The following KLRD1 variants were observed in gnomAD, a reference collection of about 807,000 sequenced individuals.
The protein encoded by KLRD1 is killer cell lectin like receptor D1, also known as natural killer cells antigen CD94.
Under a neutral mutation model 22.6 loss-of-function variants are expected in KLRD1, and 21 were observed. That is an observed-to-expected ratio of 0.93 (90% CI 0.66 to 1.34). The LOEUF (loss-of-function observed/expected upper bound fraction) is 1.34, where lower values mean the gene tolerates loss of function less well. Among genes scored for constraint, KLRD1 ranks in the 40% most tolerant of loss-of-function variants. KLRD1 has a pLI of 0.00. For synonymous variants in KLRD1, 59 were observed against 71.1 expected (o/e 0.83, Z 0.85); for missense variants, 183 against 208.6 (o/e 0.88, Z 0.76).
Position 10,314,907 on chromosome 12 carries a change from T to A in KLRD1, c.*114T>A. On this transcript the variant is annotated 3_prime_UTR_variant, in exon 6 of 6. Transcript: ENST00000336164. ...ACTTCTGGAGTCTATAAAATGTTTT[T>A]AAACAGTGTCATATACAATTGTCAT... 1.0e-6 allele frequency: 1 copy of A among 1,000,802 alleles called. No individual in the cohort carries two copies. Among genetic ancestry groups the A allele is most frequent in the Non-Finnish European group, 1.5e-6 (1 of 688,218 alleles). The allele number at this position is 1,000,802 out of a possible 1,614,324, so 62.0% of individuals were successfully genotyped here. A position where few individuals can be genotyped will look rare whatever the true frequency, so the allele number is the denominator to read the frequency against.
intron 1 of KLRD1, among the ~76,000 whole-genome samples, chr12:10,246,928 CTTTTCTTTT>C (rs1228937348): frequency 6.2e-5 from 8 of 129,688 alleles, no homozygotes; most frequent in Admixed American, 3.1e-4. Flanking sequence ...CTTTTCTTTT[CTTTTCTTTT>C]TTTTTTTTTT....
chr12:10,265,126 T>C (rs1356820477), intron 1 of KLRD1, among the ~76,000 whole-genome samples: 1 of 152,162 alleles, frequency 6.6e-6, no homozygotes, highest in East Asian at 1.9e-4. Context: ...CTGTTATTTT[T>C]AGCACCATAA....
At position 10,321,116 on chromosome 12, in the gene KLRD1, C is replaced by T. The variant is rs1950308287; in HGVS notation, c.*6323C>T. ...TTTATAAGCAGAAATAGGACTGAGT[C>T]CTAATCAAATGAGTCCCGACATTTG... On this transcript the variant is annotated 3_prime_UTR_variant, in exon 6 of 6. Transcript: ENST00000336164. 1 of 152,136 alleles carries T rather than the reference C, an allele frequency of 6.6e-6. No individual in the cohort carries two copies. The highest frequency in any genetic ancestry group is 1.5e-5 in the Non-Finnish European group (1 of 68,018). The allele number at this position is 152,136 out of a possible 1,614,324, so 9.4% of individuals were successfully genotyped here.
At chr12:10,263,525 C>T (rs754817406) in intron 1 of KLRD1, among the ~76,000 whole-genome samples, 3 of 151,952 alleles carry the variant, frequency 2.0e-5, no homozygotes, top group South Asian at 2.1e-4. Flanking sequence ...CTTAATGGTC[C>T]GTGGTCACGT....
intron 1 of KLRD1, among the ~76,000 whole-genome samples, chr12:10,256,942 C>T (rs1949401752): frequency 6.6e-6 from 1 of 151,636 alleles, no homozygotes; most frequent in Non-Finnish European, 1.5e-5. Flanking sequence ...TTAATTTCAC[C>T]CTCATTTTTT....
chr12:10,299,845 C>T (rs1022427479), upstream of KLRD1, among the ~76,000 whole-genome samples: 4 of 152,206 alleles, frequency 2.6e-5, no homozygotes, highest in Non-Finnish European at 5.9e-5. Context: ...AAAGCCTTGC[C>T]GTTGCTTTAT....
rs752610449 is a variant in KLRD1 at position 10,290,423 on chromosome 12, T to A, written c.-100-17555T>A. Among the ~76,000 whole-genome samples, 112 of 152,172 alleles carry A rather than the reference T, an allele frequency of 7.4e-4. 1 individual carries two copies. Among genetic ancestry groups the A allele is most frequent in the Admixed American group, 4.4e-3 (68 of 15,284 alleles). ...TTAGGATCTTTAACTCTAGGAATAA[T>A]CAGAGGTAGAAGGAATTTAGAATAA... On this transcript the variant is annotated intron_variant, in intron 1 of 5. Transcript: ENST00000544747.
At chr12:10,298,909 G>C (rs7137026) in intron 1 of KLRD1, among the ~76,000 whole-genome samples, 151,543 of 152,352 alleles carry the variant, frequency 0.99, 75,376 homozygotes, top group Middle Eastern at 1. Flanking sequence ...CCACTCCACA[G>C]GCCATATTTC....
At chr12:10,247,250 A>G (rs1949301580) in intron 1 of KLRD1, among the ~76,000 whole-genome samples, 1 of 152,042 alleles carries the variant, frequency 6.6e-6, no homozygotes, top group African/African-American at 2.4e-5. Flanking sequence ...GCTCAACTGC[A>G]TTTGTAATTT....
rs79626051 is a variant in KLRD1 at position 10,264,041 on chromosome 12, C to G, written c.-101+37808C>G. ...ATGAACTAATGAGAAACCAAATAAT[C>G]AAGCTAAGTCTTAAGTCATCACTGC... is the stretch of plus-strand genomic sequence containing the variant. On this transcript the variant is annotated intron_variant, in intron 1 of 5. Coordinates refer to the KLRD1 transcript ENST00000544747. Among the ~76,000 whole-genome samples, 561 of 152,202 alleles carry G rather than the reference C, an allele frequency of 3.7e-3. 2 individuals carry two copies. Among genetic ancestry groups the G allele is most frequent in the African/African-American group, 0.012 (507 of 41,558 alleles).
At chr12:10,238,961 CT>C (rs1949208113) in intron 1 of KLRD1, among the ~76,000 whole-genome samples, 5 of 152,190 alleles carry the variant, frequency 3.3e-5, no homozygotes, top group Admixed American at 3.3e-4. Context: ...TTCGTTCAGA[CT>C]TCAAAACCTT....
intron 1 of KLRD1, among the ~76,000 whole-genome samples, chr12:10,294,208 A>C (rs1166576925): frequency 6.6e-6 from 1 of 152,172 alleles, no homozygotes; most frequent in South Asian, 2.1e-4. Context: ...GTCTTTTCCC[A>C]AATACTGTAT....
chr12:10,256,999 T>A (rs1048683565), intron 1 of KLRD1, among the ~76,000 whole-genome samples: 1 of 121,904 alleles, frequency 8.2e-6, no homozygotes, highest in Non-Finnish European at 1.8e-5. Context: ...CAGTTTTTTT[T>A]AATTCATAAC....
intron 1 of KLRD1, among the ~76,000 whole-genome samples, chr12:10,249,987 C>T (rs1191627480): frequency 6.6e-6 from 1 of 152,066 alleles, no homozygotes; most frequent in Non-Finnish European, 1.5e-5. Context: ...GTATAGTAGT[C>T]CTTTTGTTTT....
intron 1 of KLRD1, among the ~76,000 whole-genome samples, chr12:10,262,924 CAT>C (rs1037159419): frequency 3.3e-5 from 5 of 152,056 alleles, no homozygotes; most frequent in African/African-American, 1.2e-4. Context: ...TTAATAAGCA[CAT>C]GTTTGTATAT....
At chr12:10,262,778 C>A (rs10743879) in intron 1 of KLRD1, among the ~76,000 whole-genome samples, 121,995 of 151,924 alleles carry the variant, frequency 0.8, 53,535 homozygotes, top group Non-Finnish European at 0.98. Flanking sequence ...AACAGATATC[C>A]AAAATTTCTT....
intron 1 of KLRD1, among the ~76,000 whole-genome samples, chr12:10,254,176 C>A (rs1334246000): frequency 2.6e-5 from 4 of 152,128 alleles, no homozygotes; most frequent in Admixed American, 2.6e-4. Context: ...CGCCTGTAAT[C>A]CCAGCACTTT....
rs1260868835 is a variant in KLRD1, at chr12:10,317,531, A to T, written c.*2738A>T. 2 of 152,218 alleles carry T rather than the reference A, an allele frequency of 1.3e-5. No homozygotes were observed. Among genetic ancestry groups the T allele is most frequent in the African/African-American group, 4.8e-5 (2 of 41,448 alleles). The allele number at this position is 152,218 out of a possible 1,614,324, so 9.4% of individuals were successfully genotyped here. On this transcript the variant is annotated 3_prime_UTR_variant, in exon 6 of 6. Coordinates refer to ENST00000336164, the MANE Select transcript of KLRD1 (RefSeq NM_002262.5). ...CAGCATACAGCATAAACACTATTCCATAAAATCCTAAGCAAGCCTTTGTTT... is the reference window on the plus strand; with the variant it reads ...CAGCATACAGCATAAACACTATTCCTTAAAATCCTAAGCAAGCCTTTGTTT...
intron 4 of KLRD1, among the ~76,000 whole-genome samples, chr12:10,312,965 C>T (rs1343600682): frequency 2.7e-5 from 4 of 150,916 alleles, no homozygotes; most frequent in Admixed American, 2.0e-4. Context: ...CCAGCCTGGG[C>T]GACAGAGCAA....
Sources: gnomAD v4.1 joint callset for allele counts (sites outside exome capture counted in the v4.1 genomes callset) on GRCh38, gnomAD v4.1.1 for gene constraint, MANE v1.5 for transcripts, NCBI Gene and HGNC (gene_info 2026-07-23, HGNC 2026-07-21) for gene names.